Variants in PDCD4 observed in about 807,000 individuals in gnomAD.
The protein encoded by PDCD4 is programmed cell death 4.
In PDCD4, 56 loss-of-function variants were observed where a neutral mutation model predicts 54.0. The ratio of observed to expected loss-of-function variants is 1.04; its 90% CI spans 0.84 to 1.30. The LOEUF (loss-of-function observed/expected upper bound fraction) is 1.30, where lower values mean the gene tolerates loss of function less well. Ranked by LOEUF, PDCD4 falls within the 50% of genes most tolerant of loss-of-function variation. The probability of loss-of-function intolerance (pLI) is 0.00; values close to 1 mark genes in which losing one functional copy is unlikely to be tolerated. For missense variants in PDCD4, 584 were observed against 559.8 expected (o/e 1.04, Z -0.44); for synonymous variants, 186 against 194.8 (o/e 0.95, Z 0.37).
At chr10:110,885,023 A>G in intron 4 of PDCD4, 1 of 337,180 alleles carries the variant, frequency 3.0e-6, no homozygotes, top group Admixed American at 4.9e-5. Context: ...ATTGAACTCC[A>G]GGCCTCAAGT....
At chr10:110,895,774 G>T (rs1269518148) in intron 10 of PDCD4, among the ~76,000 whole-genome samples, 174 bp from the exon 11 acceptor site, 3 of 152,140 alleles carry the variant, frequency 2.0e-5, no homozygotes, top group Admixed American at 2.0e-4. Context: ...GAGAACAGTT[G>T]TAAAACACTG....
intron 5 of PDCD4, among the ~76,000 whole-genome samples, chr10:110,885,669 T>C (rs1227227617): frequency 1.3e-5 from 2 of 151,874 alleles, no homozygotes; most frequent in African/African-American, 4.8e-5. Context: ...TTATAAAATA[T>C]AATTTTAGCA....
At chr10:110,893,848 CAG>C (rs1195228586) in intron 8 of PDCD4, among the ~76,000 whole-genome samples, 6 of 152,084 alleles carry the variant, frequency 3.9e-5, no homozygotes, top group African/African-American at 1.4e-4. Flanking sequence ...TCGTAGTTCT[CAG>C]TGATTCAGAC....
chr10:110,890,681 G>C lies in PDCD4; in HGVS notation c.990+11G>C, dbSNP rs1415194802. 1 of 1,526,830 alleles carries C rather than the reference G, an allele frequency of 6.5e-7. No individual in the cohort carries two copies. The allele number at this position is 1,526,830 out of a possible 1,614,324, so 94.6% of individuals were successfully genotyped here. On this transcript the variant is annotated intron_variant, in intron 8 of 11. Transcript: ENST00000280154. The stretch of plus-strand genomic sequence containing the variant: ...CACCTTGTTAAAGAGGTAATGATTG[G>C]GTATTGTTTTTAACTTAATTTATAT...
chr10:110,878,306 C>T (rs1232522189), intron 2 of PDCD4, among the ~76,000 whole-genome samples: 1 of 152,072 alleles, frequency 6.6e-6, no homozygotes, highest in East Asian at 1.9e-4. Flanking sequence ...CACAAACATA[C>T]TTGAAAGGAT....
At chr10:110,873,513 A>G (rs1845454444) in intron 1 of PDCD4, among the ~76,000 whole-genome samples, 1 of 152,150 alleles carries the variant, frequency 6.6e-6, no homozygotes, top group South Asian at 2.1e-4. Flanking sequence ...CTGATTGTAT[A>G]TTTCGTGTAA....
Position 110,881,503 on chromosome 10 carries a change from G to A in PDCD4, c.314G>A (p.Arg105Lys). Residue 105 changes from arginine (R) to lysine (K), a missense_variant, in exon 3 of 12, where the codon AGA (arginine) becomes AAA (lysine). Physicochemically the swap from Arg to Lys is conservative, Grantham distance 26. Coordinates refer to ENST00000280154, the MANE Select transcript of PDCD4 (RefSeq NM_014456.5). Reference protein sequence around the residue: ...PKGRLLDRRSRSGKGRGLPKK... With the variant: ...PKGRLLDRRSKSGKGRGLPKK... ...GGAAGGTTGCTGGATAGGCGATCCAGATCTGGGAAAGGAAGGGGACTACCA... is the reference window on the plus strand; with the variant it reads ...GGAAGGTTGCTGGATAGGCGATCCAAATCTGGGAAAGGAAGGGGACTACCA... 1.9e-6 allele frequency: 3 copies of A among 1,612,682 alleles called. No individual in the cohort carries two copies. In the South Asian group the frequency reaches 3.3e-5, roughly 18 times the overall value.
Position 110,881,466 on chromosome 10 carries a change from A to C in PDCD4, c.277A>C (p.Thr93Pro). The C allele has an allele frequency of 1.2e-6, 2 of 1,614,224 alleles. No individual in the cohort carries two copies. The highest frequency in any genetic ancestry group is 1.7e-6 in the Non-Finnish European group (2 of 1,180,048). ...CCTTAGAAGTGGATTAACTGTGCCA[A>C]CCAGTCCAAAGGGAAGGTTGCTGGA... is the stretch of plus-strand genomic sequence containing the variant. ...DALRSGLTVP[T>P]SPKGRLLDRR... The change falls in exon 3 of 12, where the codon ACC becomes CCC. Residue 93 changes from threonine (T) to proline (P), a missense_variant. Physicochemically the swap from Thr to Pro is conservative, Grantham distance 38 (BLOSUM62 -1). Coordinates refer to ENST00000280154, the MANE Select transcript of PDCD4 (RefSeq NM_014456.5).
At chr10:110,872,849 T>A (rs924206568) in intron 1 of PDCD4, among the ~76,000 whole-genome samples, 11 of 152,170 alleles carry the variant, frequency 7.2e-5, no homozygotes, top group Non-Finnish European at 1.0e-4. Flanking sequence ...GTAACGTACA[T>A]GGGGTTTTGC....
At chr10:110,891,254 ATAAT>A (rs774121959) in intron 8 of PDCD4, among the ~76,000 whole-genome samples, 3 of 151,946 alleles carry the variant, frequency 2.0e-5, no homozygotes, top group East Asian at 1.9e-4. Context: ...AAAATACATA[ATAAT>A]TAGCCAGGCA....
chr10:110,898,598 C>G lies in PDCD4; in HGVS notation c.*510C>G, dbSNP rs1590741697. The G allele has an allele frequency of 2.6e-5, 4 of 152,768 alleles. No homozygotes were observed. In the South Asian group the frequency reaches 8.3e-4, roughly 32 times the overall value. The allele number at this position is 152,768 out of a possible 1,614,324, so 9.5% of individuals were successfully genotyped here. Reference sequence around the variant, plus strand: ...AAAATTAGTCATGAGACTTATTCATCTTTCCAGGGAACATACTGATTGGTC... The same window carrying G: ...AAAATTAGTCATGAGACTTATTCATGTTTCCAGGGAACATACTGATTGGTC... On this transcript the variant is annotated 3_prime_UTR_variant, in exon 12 of 12. Coordinates refer to ENST00000280154, the MANE Select transcript of PDCD4 (RefSeq NM_014456.5).
At chr10:110,886,539 G>A (rs1429769261) in intron 5 of PDCD4, among the ~76,000 whole-genome samples, 1 of 152,148 alleles carries the variant, frequency 6.6e-6, no homozygotes, top group Non-Finnish European at 1.5e-5. Context: ...CACTCTCTTA[G>A]TAGTATATCA....
rs1054121612 is a variant in PDCD4, at chr10:110,898,972, CTTAA to C, written c.*889_*892del. On this transcript the variant is annotated 3_prime_UTR_variant, in exon 12 of 12. Coordinates refer to ENST00000280154, the MANE Select transcript of PDCD4 (RefSeq NM_014456.5). The stretch of plus-strand genomic sequence containing the variant: ...TACTCCATTGTTATCTGACCTAGAG[CTTAA>C]TTAAGTTTTAGAAATATGTAATACC... 5 of 151,392 alleles carry C rather than the reference CTTAA, an allele frequency of 3.3e-5. No individual in the cohort carries two copies. Among genetic ancestry groups the C allele is most frequent in the African/African-American group, 4.9e-5 (2 of 41,086 alleles). 9.4% of individuals were successfully genotyped at this position (151,392 alleles called of 1,614,324 possible). A position where few individuals can be genotyped will look rare whatever the true frequency, so the allele number is the denominator to read the frequency against.
At chr10:110,885,814 C>CA (rs981350819) in intron 5 of PDCD4, among the ~76,000 whole-genome samples, 100 of 149,180 alleles carry the variant, frequency 6.7e-4, no homozygotes, top group African/African-American at 2.0e-3. Context: ...GTACTTTGTC[C>CA]AAAAAAAACC....
intron 7 of PDCD4, 100 bp downstream of exon 7, chr10:110,889,730 CTGTT>C (rs1355129494): frequency 8.4e-6 from 6 of 712,454 alleles, no homozygotes; most frequent in Non-Finnish European, 1.5e-5. Flanking sequence ...CTCTGTACAT[CTGTT>C]TGTCACTTCT....
intron 7 of PDCD4, among the ~76,000 whole-genome samples, chr10:110,890,347 A>G (rs945753301): frequency 7.2e-5 from 11 of 152,284 alleles, no homozygotes; most frequent in Middle Eastern, 3.4e-3. Flanking sequence ...TTTTTCTTGA[A>G]TGAGAAATGA....
At chr10:110,880,204 G>T (rs1164898643) in intron 2 of PDCD4, 6 of 152,166 alleles carry the variant, frequency 3.9e-5, no homozygotes, top group Non-Finnish European at 7.3e-5. Context: ...GTCTAGTTGT[G>T]GTTTCTCCTT....
chr10:110,884,389 G>T (rs527431309), intron 4 of PDCD4, among the ~76,000 whole-genome samples: 1 of 152,192 alleles, frequency 6.6e-6, no homozygotes, highest in East Asian at 1.9e-4. Context: ...TTTAGCATGG[G>T]GAGAGAGGAA....
intron 11 of PDCD4, among the ~76,000 whole-genome samples, chr10:110,897,157 C>A (rs895705215): frequency 3.9e-5 from 6 of 152,296 alleles, no homozygotes; most frequent in Non-Finnish European, 8.8e-5. Flanking sequence ...GGGGCCAGTA[C>A]CCTGGCATTG....
Sources: allele counts gnomAD v4.1 joint callset (sites outside exome capture counted in the v4.1 genomes callset), GRCh38; gene constraint gnomAD v4.1.1; transcripts MANE v1.5; gene names NCBI Gene and HGNC (gene_info 2026-07-23, HGNC 2026-07-21).